Variants in ANKUB1 observed in about 807,000 individuals in gnomAD.
The protein encoded by ANKUB1 is ankyrin repeat and ubiquitin domain containing 1, also known as protein ANKUB1.
ANKUB1 carries 42 observed loss-of-function variants against 49.3 expected under a neutral mutation model. That is an observed-to-expected ratio of 0.85 (90% CI 0.67 to 1.10). The LOEUF (loss-of-function observed/expected upper bound fraction) is 1.10. ANKUB1 is among the 50% of genes least tolerant of loss of function. The pLI is 0.00. For missense variants in ANKUB1, 613 were observed against 642.0 expected, an observed-to-expected ratio of 0.95 and a Z score of 0.49; for synonymous variants, 222 against 231.0, an observed-to-expected ratio of 0.96 and a Z score of 0.35.
Position 149,792,485 on chromosome 3 carries a change from G to C in ANKUB1, c.-119C>G. On this transcript the variant is annotated 5_prime_UTR_variant, in exon 1 of 6. Coordinates refer to ENST00000446160, the MANE Select transcript of ANKUB1 (RefSeq NM_001144960.3). ...ATGATAGCCAGAGGCAGCTGTCACT[G>C]TCTAGCCTCAAAGGTAAGTTGTAGA... 1 of 678,534 alleles carries C rather than the reference G, an allele frequency of 1.5e-6. No individual in the cohort carries two copies. The highest frequency in any genetic ancestry group is 2.6e-5 in the South Asian group (1 of 38,466). 42.0% of individuals were successfully genotyped at this position (678,534 alleles called of 1,614,324 possible).
intron 3 of ANKUB1, among the ~76,000 whole-genome samples, chr3:149,773,281 C>G (rs1717446214): frequency 6.6e-6 from 1 of 152,172 alleles, no homozygotes; most frequent in Non-Finnish European, 1.5e-5. Flanking sequence ...GGCTCTTCCT[C>G]TGTTACTCCT....
In ANKUB1 at chr3:149,792,485, G is replaced by T; in HGVS notation, c.-119C>A. On this transcript the variant is annotated 5_prime_UTR_variant, in exon 1 of 6. Transcript: ENST00000446160. ...ATGATAGCCAGAGGCAGCTGTCACT[G>T]TCTAGCCTCAAAGGTAAGTTGTAGA... 1.5e-6 allele frequency: 1 copy of T among 678,532 alleles called. No individual in the cohort carries two copies. The highest frequency in any genetic ancestry group is 2.3e-6 in the Non-Finnish European group (1 of 434,294). The allele number at this position is 678,532 out of a possible 1,614,324, so 42.0% of individuals were successfully genotyped here. A position where few individuals can be genotyped will look rare whatever the true frequency, so the allele number is the denominator to read the frequency against.
chr3:149,772,608 T>A (rs981320588), intron 3 of ANKUB1, among the ~76,000 whole-genome samples: 1 of 152,220 alleles, frequency 6.6e-6, no homozygotes, highest in East Asian at 1.9e-4. Context: ...CTTCTTTTAC[T>A]TCGTAGCTCT....
intron 3 of ANKUB1, among the ~76,000 whole-genome samples, chr3:149,774,676 C>T (rs1310909267): frequency 6.6e-6 from 1 of 152,190 alleles, no homozygotes; most frequent in Non-Finnish European, 1.5e-5. Context: ...TGTCTAGTAG[C>T]AAATATTACG....
intron 3 of ANKUB1, among the ~76,000 whole-genome samples, chr3:149,775,773 A>G (rs1717564143): frequency 6.6e-6 from 1 of 152,192 alleles, no homozygotes; most frequent in Admixed American, 6.5e-5. Context: ...TAAAAACAGA[A>G]TAACAAGCAG....
intron 5 of ANKUB1, among the ~76,000 whole-genome samples, chr3:149,766,063 C>T (rs977626568): frequency 6.6e-6 from 1 of 152,146 alleles, no homozygotes; most frequent in African/African-American, 2.4e-5. Context: ...GGAAAAGTCG[C>T]TTGTAAATCT....
chr3:149,761,517 T>C lies in ANKUB1; in HGVS notation c.1602A>G (p.Thr534=). The part of the protein sequence containing the change: ...ISNLTTRGGL[T]ACENSLETVL Reference sequence around the variant, plus strand: ...CAGTTTCTAGAGAGTTTTCACACGCTGTCAGACCTCCTCGGGTAGTCAAGT... The same window carrying C: ...CAGTTTCTAGAGAGTTTTCACACGCCGTCAGACCTCCTCGGGTAGTCAAGT... The change falls in exon 6 of 6, where the codon ACA becomes ACG. Residue 534 remains threonine (T), a synonymous_variant. Transcript: ENST00000446160. 2 of 1,551,496 alleles carry C rather than the reference T, an allele frequency of 1.3e-6. No homozygotes were observed. Among genetic ancestry groups the C allele is most frequent in the Non-Finnish European group, 1.7e-6 (2 of 1,146,818 alleles).
chr3:149,787,958 T>G (rs1443939073), intron 2 of ANKUB1, among the ~76,000 whole-genome samples: 1 of 152,232 alleles, frequency 6.6e-6, no homozygotes, highest in East Asian at 1.9e-4. Context: ...ACAAAAGTTT[T>G]GGGTTCACAT....
intron 2 of ANKUB1, among the ~76,000 whole-genome samples, chr3:149,790,142 G>A (rs16862251): frequency 0.036 from 5,498 of 151,972 alleles, 278 homozygotes; most frequent in East Asian, 0.25. Flanking sequence ...TGGATCACCC[G>A]TTCCTTAAAA....
At chr3:149,765,739 T>TA in intron 5 of ANKUB1, among the ~76,000 whole-genome samples, 1 of 152,368 alleles carries the variant, frequency 6.6e-6, no homozygotes, top group South Asian at 2.1e-4. Flanking sequence ...TAAGAGGGAC[T>TA]ATGTAGTTTT....
intron 1 of ANKUB1, 121 bp from the exon 2 acceptor site, chr3:149,791,045 A>G (rs550061912): frequency 1.1e-5 from 11 of 1,006,492 alleles, no homozygotes; most frequent in Admixed American, 3.4e-5. Flanking sequence ...GACAAAGGGA[A>G]GAAGTATTAA....
At chr3:149,772,196 T>A (rs924724794) in intron 3 of ANKUB1, among the ~76,000 whole-genome samples, 1 of 152,132 alleles carries the variant, frequency 6.6e-6, no homozygotes, top group Non-Finnish European at 1.5e-5. Flanking sequence ...TTTTTTTGTA[T>A]GTTTAGTAGA....
intron 3 of ANKUB1, chr3:149,778,695 TG>T (rs1717716502): frequency 6.6e-6 from 1 of 152,174 alleles, no homozygotes; most frequent in Non-Finnish European, 1.5e-5. Flanking sequence ...GAGGAGAAAT[TG>T]TAGAACTTCA....
At chr3:149,775,892 G>A (rs538243814) in intron 3 of ANKUB1, among the ~76,000 whole-genome samples, 3 of 151,806 alleles carry the variant, frequency 2.0e-5, no homozygotes, top group Admixed American at 1.3e-4. Flanking sequence ...CGTAAGACTA[G>A]GTGTGTGTGT....
At chr3:149,777,652 C>T (rs1423355337) in intron 3 of ANKUB1, among the ~76,000 whole-genome samples, 1 of 152,216 alleles carries the variant, frequency 6.6e-6, no homozygotes, top group African/African-American at 2.4e-5. Flanking sequence ...GCAGAACAGT[C>T]TCCTGCTTTC....
rs531395450 is a variant in ANKUB1, at chr3:149,784,141, G to C, written c.235-3686C>G. ...TAAACATCTACTCAATGGTACTACA[G>C]TTAACTCAATCTCTCAGCATAAAAC... On this transcript the variant is annotated intron_variant, in intron 2 of 5. Transcript: ENST00000446160. Among the ~76,000 whole-genome samples, 12 of 152,278 alleles carry C rather than the reference G, an allele frequency of 7.9e-5. No individual in the cohort carries two copies. The East Asian group carries it at 2.1e-3, about 27-fold the overall frequency.
intron 3 of ANKUB1, chr3:149,779,533 A>C (rs1380493516): frequency 1.3e-5 from 2 of 152,224 alleles, no homozygotes; most frequent in East Asian, 3.8e-4. Flanking sequence ...ACACTATTCC[A>C]CTAATGCAGA....
intron 2 of ANKUB1, chr3:149,783,318 C>T (rs546077258): frequency 6.6e-5 from 10 of 152,170 alleles, no homozygotes; most frequent in Admixed American, 3.9e-4. Flanking sequence ...TCACAACCAA[C>T]GAAGTCAGAC....
intron 3 of ANKUB1, among the ~76,000 whole-genome samples, chr3:149,774,009 G>T (rs1254982724): frequency 1.3e-5 from 2 of 152,152 alleles, no homozygotes; most frequent in Non-Finnish European, 2.9e-5. Context: ...AACTGAAAAA[G>T]ATGTAGGTCA....
Sources: allele counts gnomAD v4.1 joint callset (sites outside exome capture counted in the v4.1 genomes callset), GRCh38; gene constraint gnomAD v4.1.1; transcripts MANE v1.5; gene names NCBI Gene and HGNC (gene_info 2026-07-23, HGNC 2026-07-21).